Variants in CTSH observed in about 807,000 individuals in gnomAD.
CTSH encodes the protein cathepsin H, also known as pro-cathepsin H.
In CTSH, 52 loss-of-function variants were observed where a neutral mutation model predicts 56.3. The ratio of observed to expected loss-of-function variants is 0.92; its 90% CI spans 0.74 to 1.16. The LOEUF (loss-of-function observed/expected upper bound fraction) is 1.16. Ranked by LOEUF, CTSH falls within the 50% of genes most tolerant of loss-of-function variation. CTSH has a pLI of 0.00. For synonymous variants in CTSH, 174 were observed against 155.7 expected, an observed-to-expected ratio of 1.12 and a Z score of -0.88; for missense variants, 406 against 424.5, an observed-to-expected ratio of 0.96 and a Z score of 0.38.
rs542630855 is a variant in CTSH, at chr15:78,927,427, C to G, written c.699+286G>C. ...TGCTCATACCCTCTTCTGCAGGATG[C>G]GGACAATTGCTTGCATTTTACAAGC... On this transcript the variant is annotated intron_variant, in intron 9 of 11. Transcript: ENST00000220166. 5.7e-5 allele frequency: 28 copies of G among 488,922 alleles called. 1 individual carries two copies. In the South Asian group the frequency reaches 6.9e-4, roughly 12 times the overall value. 30.3% of individuals were successfully genotyped at this position (488,922 alleles called of 1,614,324 possible).
chr15:78,923,166 G>GA, intron 10 of CTSH, 48 bp from the exon 11 acceptor site: 1 of 1,606,756 alleles, frequency 6.2e-7, no homozygotes, highest in Non-Finnish European at 8.5e-7. Flanking sequence ...AAGGATAAAA[G>GA]CAATGACAGT....
At chr15:78,941,218 A>T (rs1193138162) in intron 1 of CTSH, among the ~76,000 whole-genome samples, 1 of 150,892 alleles carries the variant, frequency 6.6e-6, no homozygotes, top group African/African-American at 2.4e-5. Flanking sequence ...TGAGGTCAGG[A>T]GTTTGAGACC....
chr15:78,937,396 A>G lies in CTSH; in HGVS notation c.151T>C (p.Tyr51His). The G allele has an allele frequency of 6.2e-7, 1 of 1,613,956 alleles. No individual in the cohort carries two copies. Among genetic ancestry groups the G allele is most frequent in the Non-Finnish European group, 8.5e-7 (1 of 1,179,984 alleles). Residue 51 changes from tyrosine to histidine, a missense_variant, in exon 3 of 12, where the codon TAC (tyrosine) becomes CAC (histidine). Tyr to His is a moderately conservative substitution (Grantham distance 83). Transcript: ENST00000220166. The stretch of plus-strand genomic sequence containing the variant: ...GCAAACGTCTGCAGCCTGTGGTGGT[A>G]CTCCTCCGTACTGTAGGTCTTACGG... ...KHRKTYSTEE[Y>H]HHRLQTFASN...
chr15:78,930,211 T>C, intron 7 of CTSH, among the ~76,000 whole-genome samples: 1 of 152,190 alleles, frequency 6.6e-6, no homozygotes. Context: ...AGTACTGTCC[T>C]GAACCAAAGC....
At chr15:78,927,651 A>G (rs2054940182) in intron 9 of CTSH, 62 bp downstream of exon 9, 2 of 1,476,926 alleles carry the variant, frequency 1.4e-6, no homozygotes, top group Admixed American at 1.7e-5. Flanking sequence ...GCTATCCGAC[A>G]GCATGAGAGA....
intron 8 of CTSH, among the ~76,000 whole-genome samples, chr15:78,928,564 CAAAAAAAAAA>C (rs869261525): frequency 3.0e-5 from 2 of 65,882 alleles, no homozygotes; most frequent in Non-Finnish European, 6.1e-5. Flanking sequence ...GACTCCGTCT[CAAAAAAAAAA>C]AAAAAAAAAA....
intron 1 of CTSH, among the ~76,000 whole-genome samples, chr15:78,941,549 T>C (rs1781762184): frequency 6.6e-6 from 1 of 152,032 alleles, no homozygotes; most frequent in African/African-American, 2.4e-5. Flanking sequence ...TCCCAGCACT[T>C]TGAGAGGCTG....
intron 11 of CTSH, among the ~76,000 whole-genome samples, chr15:78,922,565 G>A (rs1314845139): frequency 1.3e-5 from 2 of 152,140 alleles, no homozygotes; most frequent in Non-Finnish European, 2.9e-5. Context: ...GGGAGGACAG[G>A]ACAAAGGCAC....
At chr15:78,931,320 C>G in intron 7 of CTSH, 131 bp downstream of exon 7, 2 of 1,175,122 alleles carry the variant, frequency 1.7e-6, no homozygotes, top group Non-Finnish European at 1.3e-6. Context: ...CCCTGTACAA[C>G]AGAGACCATT....
At chr15:78,931,888 C>T in intron 6 of CTSH, 1 of 1,221,278 alleles carries the variant, frequency 8.2e-7, no homozygotes, top group Non-Finnish European at 1.0e-6. Context: ...ACCCAGGGTC[C>T]TCATGGCATC....
intron 7 of CTSH, among the ~76,000 whole-genome samples, chr15:78,929,762 C>T (rs2055007231): frequency 6.6e-6 from 1 of 152,152 alleles, no homozygotes; most frequent in Admixed American, 6.5e-5. Context: ...AGTGCACAGC[C>T]CCACACCATG....
rs771561864 is a variant in CTSH at position 78,923,135 on chromosome 15, A to C, written c.807-17T>G. On this transcript the variant is annotated splice_polypyrimidine_tract_variant and intron_variant, in intron 10 of 11. Transcript: ENST00000220166. ...CAGGAAGTACTGGAAAACAAAATTC[A>C]AAAAGAGGTGATCATATGGGAAGGA... The C allele has an allele frequency of 6.2e-7, 1 of 1,612,578 alleles. No individual in the cohort carries two copies. The highest frequency in any genetic ancestry group is 1.7e-5 in the Admixed American group (1 of 59,498).
chr15:78,922,134 A>G lies in CTSH; in HGVS notation c.1004T>C (p.Val335Ala), dbSNP rs1174501099. The change falls in exon 12 of 12, where the codon GTG (valine) becomes GCG (alanine). Residue 335 changes from valine to alanine, a missense_variant. Coordinates refer to ENST00000220166, the MANE Select transcript of CTSH (RefSeq NM_004390.5). ...CTGCGCTGCGGCTGCCACGGCTCAC[A>G]CCAGAGGGATGGGGTAGGAGGCGCA... ...AACASYPIPLV is the reference protein window; with the variant it reads ...AACASYPIPLA 1.3e-6 allele frequency: 2 copies of G among 1,569,716 alleles called. No homozygotes were observed. Among genetic ancestry groups the G allele is most frequent in the Non-Finnish European group, 1.7e-6 (2 of 1,158,190 alleles).
At chr15:78,933,063 C>T (rs982766407) in intron 5 of CTSH, among the ~76,000 whole-genome samples, 1 of 152,218 alleles carries the variant, frequency 6.6e-6, no homozygotes, top group Non-Finnish European at 1.5e-5. Context: ...ACACCCCTGA[C>T]ACCCCAGACT....
At chr15:78,937,529 A>G (rs1328258397) in intron 2 of CTSH, 106 bp from the exon 3 acceptor site, 8 of 1,361,446 alleles carry the variant, frequency 5.9e-6, no homozygotes, top group African/African-American at 2.9e-5. Flanking sequence ...TCTTTCTGCT[A>G]TGATTCTCAG....
chr15:78,938,546 C>G (rs1411761000), intron 2 of CTSH, among the ~76,000 whole-genome samples: 1 of 152,150 alleles, frequency 6.6e-6, no homozygotes, highest in Non-Finnish European at 1.5e-5. Context: ...GCTTATTTCA[C>G]TAAACATAAT....
chr15:78,940,358 C>T (rs28655102), intron 1 of CTSH, among the ~76,000 whole-genome samples: 74,812 of 151,770 alleles, frequency 0.49, 22,351 homozygotes, highest in Non-Finnish European at 0.68. Flanking sequence ...CTGACACAGG[C>T]GAATCCCTTG....
intron 11 of CTSH, 136 bp downstream of exon 11, chr15:78,922,857 C>T (rs1567342543): frequency 9.7e-7 from 1 of 1,034,600 alleles, no homozygotes; most frequent in Non-Finnish European, 1.4e-6. Flanking sequence ...TGCTCCCTTT[C>T]CCCCTGGCCT....
intron 1 of CTSH, among the ~76,000 whole-genome samples, chr15:78,941,396 C>A (rs2055284498): frequency 7.4e-6 from 1 of 135,558 alleles, no homozygotes; most frequent in Non-Finnish European, 1.5e-5. Context: ...TGCACTCCAG[C>A]CTGGGCGACA....
Sources: allele counts gnomAD v4.1 joint callset (sites outside exome capture counted in the v4.1 genomes callset), GRCh38; gene constraint gnomAD v4.1.1; transcripts MANE v1.5; gene names NCBI Gene and HGNC (gene_info 2026-07-23, HGNC 2026-07-21).